SMIM45: variants seen among roughly 807,000 people sequenced by gnomAD.
The protein encoded by SMIM45 is long intergenic non-protein coding RNA 634.
At chr22:41,957,798 A>T in the SMIM45 span, 1 of 153,862 alleles carries the variant, frequency 6.5e-6, no homozygotes, top group Non-Finnish European at 1.5e-5. Flanking sequence ...CAGGAGGCGC[A>T]CAAGTGGCGC....
chr22:41,950,965 C>G, the SMIM45 span, among the ~76,000 whole-genome samples: 1 of 152,260 alleles, frequency 6.6e-6, no homozygotes, highest in Non-Finnish European at 1.5e-5. Context: ...GCACTCCAGC[C>G]TGGCGAACAC....
the SMIM45 span, among the ~76,000 whole-genome samples, chr22:41,955,522 C>T: frequency 6.6e-6 from 1 of 151,742 alleles, no homozygotes; most frequent in Admixed American, 6.6e-5. Context: ...TGCAAAGTAC[C>T]CAGGCTGCAT....
the SMIM45 span, among the ~76,000 whole-genome samples, chr22:41,951,254 A>T: frequency 6.6e-6 from 1 of 152,258 alleles, no homozygotes; most frequent in Non-Finnish European, 1.5e-5. Flanking sequence ...CCCTCCTGAG[A>T]ATAGCCCTCA....
chr22:41,947,137 G>A, the SMIM45 span: 1 of 1,557,826 alleles, frequency 6.4e-7, no homozygotes, highest in South Asian at 1.1e-5. Context: ...ACCGCCCTGA[G>A]TCCAGCCCCT....
At chr22:41,948,364 T>C in the SMIM45 span, among the ~76,000 whole-genome samples, 1 of 152,156 alleles carries the variant, frequency 6.6e-6, no homozygotes, top group Non-Finnish European at 1.5e-5. Context: ...TCAGACATTA[T>C]TGATTAACTT....
the SMIM45 span, among the ~76,000 whole-genome samples, chr22:41,956,546 C>A: frequency 6.6e-6 from 1 of 152,216 alleles, no homozygotes; most frequent in African/African-American, 2.4e-5. Flanking sequence ...TGGCAACTGG[C>A]AGCCATGGCA....
the SMIM45 span, chr22:41,952,090 G>C: frequency 0.18 from 27,685 of 152,860 alleles, 3,192 homozygotes; most frequent in Admixed American, 0.31. Context: ...CCAGGCTGCT[G>C]ATTGGCTGAG....
the SMIM45 span, among the ~76,000 whole-genome samples, chr22:41,957,325 CTGGGACTACAGGCA>C: frequency 6.6e-6 from 1 of 151,016 alleles, no homozygotes; most frequent in Non-Finnish European, 1.5e-5. Flanking sequence ...TCCGGAGTAG[CTGGGACTACAGGCA>C]TGCGCCACCA....
the SMIM45 span, among the ~76,000 whole-genome samples, chr22:41,947,669 CTTTTTTTTTTT>C: frequency 3.2e-5 from 4 of 125,244 alleles, no homozygotes; most frequent in Non-Finnish European, 5.1e-5. Context: ...GTGCCTGGCC[CTTTTTTTTTTT>C]TTTTTTTTGG....
the SMIM45 span, among the ~76,000 whole-genome samples, chr22:41,948,184 G>T: frequency 1.3e-5 from 2 of 152,188 alleles, no homozygotes; most frequent in African/African-American, 4.8e-5. Flanking sequence ...AGAGGTTAGA[G>T]ACTTTGTCAC....
chr22:41,947,105 G>A, the SMIM45 span: 1 of 1,610,310 alleles, frequency 6.2e-7, no homozygotes. Context: ...CGTTGCTCCT[G>A]CGGTGCGCGC....
the SMIM45 span, among the ~76,000 whole-genome samples, chr22:41,955,909 CT>C: frequency 6.6e-6 from 1 of 151,860 alleles, no homozygotes; most frequent in East Asian, 1.9e-4. Flanking sequence ...TAAGAACAAA[CT>C]TACTATGTAG....
chr22:41,954,178 A>G, the SMIM45 span, among the ~76,000 whole-genome samples: 1 of 146,084 alleles, frequency 6.8e-6, no homozygotes, highest in Non-Finnish European at 1.5e-5. Flanking sequence ...TAGGAATAGC[A>G]CCCACGTCCT....
At chr22:41,958,649 C>G in the SMIM45 span, 2 of 272,658 alleles carry the variant, frequency 7.3e-6, no homozygotes, top group Non-Finnish European at 7.4e-6. Context: ...GGGTCCCAAC[C>G]CCCTCCCTCT....
the SMIM45 span, among the ~76,000 whole-genome samples, chr22:41,950,674 A>C: frequency 6.6e-6 from 1 of 151,418 alleles, no homozygotes; most frequent in Non-Finnish European, 1.5e-5. Context: ...CTCCAGCCTG[A>C]GTGAAAGAGC....
chr22:41,950,181 G>A, the SMIM45 span, among the ~76,000 whole-genome samples: 2 of 151,226 alleles, frequency 1.3e-5, no homozygotes, highest in African/African-American at 2.4e-5. Flanking sequence ...AAACAATGCC[G>A]ACAGGCCATG....
At chr22:41,947,031 C>G in the SMIM45 span, 1 of 1,612,886 alleles carries the variant, frequency 6.2e-7, no homozygotes, top group Non-Finnish European at 8.5e-7. Flanking sequence ...AAGATGGTGG[C>G]CGTGTTCAGG....
At chr22:41,949,186 A>T in the SMIM45 span, among the ~76,000 whole-genome samples, 1 of 151,960 alleles carries the variant, frequency 6.6e-6, no homozygotes, top group African/African-American at 2.4e-5. Context: ...CGGAGGTTGC[A>T]GTGAGCTGAG....
At chr22:41,951,259 C>T in the SMIM45 span, among the ~76,000 whole-genome samples, 2 of 152,366 alleles carry the variant, frequency 1.3e-5, no homozygotes, top group South Asian at 2.1e-4. Context: ...CTGAGAATAG[C>T]CCTCAACACG....
Sources: gnomAD v4.1 joint callset for allele counts (sites outside exome capture counted in the v4.1 genomes callset) on GRCh38, gnomAD v4.1.1 for gene constraint, MANE v1.5 for transcripts, NCBI Gene and HGNC (gene_info 2026-07-23, HGNC 2026-07-21) for gene names.